TNNI3K: variants seen among roughly 807,000 people sequenced by gnomAD.
TNNI3K encodes the protein serine/threonine-protein kinase TNNI3K.
TNNI3K carries 140 observed loss-of-function variants against 114.5 expected under a neutral mutation model. That is an observed-to-expected ratio of 1.22 (90% CI 1.07 to 1.41). TNNI3K has a LOEUF of 1.41. Among genes scored for constraint, TNNI3K ranks in the 40% most tolerant of loss-of-function variants. The pLI is 0.00. For missense variants in TNNI3K, 1,125 were observed against 1,007.6 expected (o/e 1.12, Z -1.58); for synonymous variants, 347 against 347.5 (o/e 1.00, Z 0.02).
At chr1:74,360,804 TG>T (rs1419390636) in intron 11 of TNNI3K, among the ~76,000 whole-genome samples, 3 of 152,124 alleles carry the variant, frequency 2.0e-5, no homozygotes, top group Non-Finnish European at 4.4e-5. Context: ...TATTTTATTT[TG>T]TTATGTGCAC....
At chr1:74,247,735 C>T (rs1654668591) in intron 2 of TNNI3K, among the ~76,000 whole-genome samples, 1 of 152,182 alleles carries the variant, frequency 6.6e-6, no homozygotes, top group Non-Finnish European at 1.5e-5. Flanking sequence ...CATCCACAAA[C>T]CCCAAGACAG....
intron 20 of TNNI3K, among the ~76,000 whole-genome samples, chr1:74,454,312 T>C (rs1011507853): frequency 2.0e-5 from 3 of 152,190 alleles, no homozygotes; most frequent in Admixed American, 2.0e-4. Flanking sequence ...CTAGATCTTA[T>C]TCATTTTATC....
chr1:74,341,641 T>C (rs1402765349), intron 7 of TNNI3K: 1 of 152,034 alleles, frequency 6.6e-6, no homozygotes, highest in Non-Finnish European at 1.5e-5. Flanking sequence ...TTAAAGGATA[T>C]TATGTAGCAC....
At chr1:74,474,873 C>A (rs778973033) in intron 21 of TNNI3K, among the ~76,000 whole-genome samples, 7 of 152,008 alleles carry the variant, frequency 4.6e-5, no homozygotes, top group Non-Finnish European at 8.8e-5. Flanking sequence ...AGGGCCCATT[C>A]TTCTAACATG....
chr1:74,466,185 G>A (rs1029760979), intron 21 of TNNI3K, among the ~76,000 whole-genome samples: 1 of 152,186 alleles, frequency 6.6e-6, no homozygotes, highest in Non-Finnish European at 1.5e-5. Context: ...AACACTCACT[G>A]CGTGGGTGTG....
intron 5 of TNNI3K, among the ~76,000 whole-genome samples, chr1:74,280,000 G>A (rs990404280): frequency 8.5e-5 from 13 of 152,140 alleles, no homozygotes; most frequent in South Asian, 2.1e-4. Flanking sequence ...CAGGATAACC[G>A]AGTTGAACAA....
chr1:74,345,994 A>T (rs938747480), intron 9 of TNNI3K: 2 of 152,178 alleles, frequency 1.3e-5, no homozygotes, highest in Non-Finnish European at 2.9e-5. Context: ...TAATTTTTCC[A>T]CAAATACTTT....
At chr1:74,435,523 C>T (rs963704595) in intron 17 of TNNI3K, among the ~76,000 whole-genome samples, 2 of 151,998 alleles carry the variant, frequency 1.3e-5, no homozygotes, top group African/African-American at 2.4e-5. Context: ...ATGCTATTCT[C>T]CTCAAAACCT....
chr1:74,286,532 AT>A (rs1459677465), intron 5 of TNNI3K, among the ~76,000 whole-genome samples: 4 of 152,008 alleles, frequency 2.6e-5, no homozygotes, highest in Admixed American at 6.6e-5. Flanking sequence ...AGGCTCATTC[AT>A]ATGGACCCAA....
intron 5 of TNNI3K, among the ~76,000 whole-genome samples, chr1:74,307,860 G>T (rs983471344): frequency 5.3e-5 from 8 of 152,136 alleles, no homozygotes; most frequent in Non-Finnish European, 1.5e-5. Context: ...CTACTCGGAA[G>T]GTTGAGGCCG....
At chr1:74,480,752 G>A (rs749386359) in intron 21 of TNNI3K, 1 of 717,508 alleles carries the variant, frequency 1.4e-6, no homozygotes, top group South Asian at 1.5e-5. Flanking sequence ...CTTGCTGAAG[G>A]TGTGATCAGT....
chr1:74,330,085 G>A lies in TNNI3K; in HGVS notation c.445-1365G>A, dbSNP rs568582570. Among the ~76,000 whole-genome samples, 3 of 152,156 alleles carry A rather than the reference G, an allele frequency of 2.0e-5. No individual in the cohort carries two copies. In the East Asian group the frequency reaches 5.8e-4, roughly 29 times the overall value. ...GGAAATTATTTCAATGTGTTGAACA[G>A]AAAAGAGAGACTCGAAGACAGGTAT... On this transcript the variant is annotated intron_variant, in intron 5 of 24. Coordinates refer to ENST00000326637, the MANE Select transcript of TNNI3K (RefSeq NM_015978.3).
intron 21 of TNNI3K, chr1:74,465,054 GTA>G: frequency 2.0e-6 from 2 of 1,010,834 alleles, no homozygotes; most frequent in Non-Finnish European, 2.4e-6. Flanking sequence ...CTCAGAAAAA[GTA>G]TGTCAAGCAC....
chr1:74,350,992 A>T (rs1661305564), intron 9 of TNNI3K, among the ~76,000 whole-genome samples: 2 of 151,910 alleles, frequency 1.3e-5, no homozygotes, highest in African/African-American at 4.8e-5. Context: ...GTTATGTGTG[A>T]ACTTGATCCT....
At chr1:74,487,426 T>A (rs1553151885) in intron 21 of TNNI3K, among the ~76,000 whole-genome samples, 1 of 152,124 alleles carries the variant, frequency 6.6e-6, no homozygotes, top group Non-Finnish European at 1.5e-5. Context: ...ACTAGAAATA[T>A]GTAATAGGCT....
chr1:74,243,920 T>C (rs1451441003), intron 2 of TNNI3K, among the ~76,000 whole-genome samples: 2 of 152,078 alleles, frequency 1.3e-5, no homozygotes, highest in Non-Finnish European at 2.9e-5. Context: ...AATTAAAAAA[T>C]AAATTGAGCT....
chr1:74,312,839 C>T (rs1161915886), intron 5 of TNNI3K, among the ~76,000 whole-genome samples: 4 of 152,156 alleles, frequency 2.6e-5, no homozygotes, highest in Non-Finnish European at 4.4e-5. Flanking sequence ...TTGAGGGTTG[C>T]TGTTTATTTC....
intron 5 of TNNI3K, among the ~76,000 whole-genome samples, chr1:74,282,516 T>A (rs1657079259): frequency 6.6e-6 from 1 of 152,020 alleles, no homozygotes; most frequent in South Asian, 2.1e-4. Context: ...GTCATATTAA[T>A]TAATGCCTAC....
chr1:74,471,412 C>T (rs568607966), intron 21 of TNNI3K: 1 of 400,638 alleles, frequency 2.5e-6, no homozygotes, highest in Non-Finnish European at 4.4e-6. Context: ...CTTTGGGAGA[C>T]TTGACAAGGA....
Sources: gnomAD v4.1 joint callset for allele counts (sites outside exome capture counted in the v4.1 genomes callset) on GRCh38, gnomAD v4.1.1 for gene constraint, MANE v1.5 for transcripts, NCBI Gene and HGNC (gene_info 2026-07-23, HGNC 2026-07-21) for gene names.